CENPC: variants seen among roughly 807,000 people sequenced by gnomAD.
The protein encoded by CENPC is centromere protein C.
Under a neutral mutation model 112.1 loss-of-function variants are expected in CENPC, and 63 were observed. That is an observed-to-expected ratio of 0.56 (90% confidence interval 0.46 to 0.69). The LOEUF (loss-of-function observed/expected upper bound fraction) is 0.69, where lower values mean the gene tolerates loss of function less well. Ranked by LOEUF, CENPC falls within the 30% of genes least tolerant of loss-of-function variation. The pLI is 0.00. For synonymous variants in CENPC, 333 were observed against 367.6 expected, an observed-to-expected ratio of 0.91 and a Z score of 1.08; for missense variants, 1,000 against 1,103.8, an observed-to-expected ratio of 0.91 and a Z score of 1.33.
At chr4:67,527,641 T>C (rs933409619) in intron 5 of CENPC, among the ~76,000 whole-genome samples, 3 of 151,626 alleles carry the variant, frequency 2.0e-5, no homozygotes, top group African/African-American at 4.8e-5. Flanking sequence ...GGCAGGACTA[T>C]AGGCACATGC....
At chr4:67,490,837 AATATATATAT>A (rs57498869) in intron 16 of CENPC, among the ~76,000 whole-genome samples, 4,016 of 56,970 alleles carry the variant, frequency 0.07, 81 homozygotes, top group East Asian at 0.16. Context: ...TATAGAAATA[AATATATATAT>A]ATATATATAT....
At chr4:67,506,403 TC>T (rs1446560286) in intron 11 of CENPC, among the ~76,000 whole-genome samples, 7 of 152,168 alleles carry the variant, frequency 4.6e-5, no homozygotes, top group African/African-American at 1.2e-4. Flanking sequence ...TCACACCTTC[TC>T]TTGGAGCATT....
chr4:67,518,238 A>C lies in CENPC; in HGVS notation c.748T>G (p.Ser250Ala). ...SGSSQNRIRD[S>A]EYEIQRQAKK... is the part of the protein sequence containing the mutation. ...GCTTGTCGTTGAATTTCATATTCTG[A>C]ATCTCGTATTCTATTCTGAGATGAT... The change falls in exon 7 of 19, where the codon TCA becomes GCA. Residue 250 changes from serine to alanine, a missense_variant. Coordinates refer to ENST00000273853, the MANE Select transcript of CENPC (RefSeq NM_001812.4). The C allele has an allele frequency of 1.3e-6, 2 of 1,560,318 alleles. No homozygotes were observed. Among genetic ancestry groups the C allele is most frequent in the South Asian group, 2.4e-5 (2 of 83,740 alleles).
rs775810973 is a variant in CENPC at position 67,506,969 on chromosome 4, T to TC, written c.1905-36dup. The TC allele has an allele frequency of 2.0e-6, 3 of 1,522,034 alleles. No individual in the cohort carries two copies. In the South Asian group the frequency reaches 3.7e-5, roughly 19 times the overall value. The allele number at this position is 1,522,034 out of a possible 1,614,324, so 94.3% of individuals were successfully genotyped here. ...TGATAAATGTATGAGTGTTTATACT[T>TC]CTTCAAAATAAAATTTTCTTCCAGA... is the stretch of plus-strand genomic sequence containing the variant. On this transcript the variant is annotated intron_variant, in intron 10 of 18. Transcript: ENST00000273853.
intron 12 of CENPC, among the ~76,000 whole-genome samples, chr4:67,496,121 G>A (rs1370849940): frequency 6.6e-6 from 1 of 152,194 alleles, no homozygotes; most frequent in East Asian, 1.9e-4. Flanking sequence ...AGACTGCCAT[G>A]CTGTGAGGAA....
chr4:67,481,084 A>T (rs776085495), intron 17 of CENPC, among the ~76,000 whole-genome samples: 1 of 152,238 alleles, frequency 6.6e-6, no homozygotes, highest in Non-Finnish European at 1.5e-5. Flanking sequence ...TGATAAGTGA[A>T]TTCAGTAAAC....
intron 12 of CENPC, among the ~76,000 whole-genome samples, chr4:67,503,145 C>G (rs1369601607): frequency 6.6e-6 from 1 of 152,082 alleles, no homozygotes; most frequent in Non-Finnish European, 1.5e-5. Context: ...CTTTAACATC[C>G]TATGTGATCT....
chr4:67,537,590 T>TAA (rs1175614312), intron 4 of CENPC, among the ~76,000 whole-genome samples: 1 of 152,056 alleles, frequency 6.6e-6, no homozygotes, highest in Non-Finnish European at 1.5e-5. Context: ...GTCAGGAGTT[T>TAA]AAGACCAGCC....
At chr4:67,535,072 G>A (rs1448548410) in intron 4 of CENPC, among the ~76,000 whole-genome samples, 1 of 152,012 alleles carries the variant, frequency 6.6e-6, no homozygotes, top group Non-Finnish European at 1.5e-5. Context: ...AACAGGAGAA[G>A]CTAAAATAAA....
chr4:67,517,168 CTTTTTA>C (rs1465513899), intron 7 of CENPC, among the ~76,000 whole-genome samples: 1 of 151,548 alleles, frequency 6.6e-6, no homozygotes, highest in Non-Finnish European at 1.5e-5. Context: ...TAAAAACTTC[CTTTTTA>C]TTTTTGAGAC....
At chr4:67,482,489 G>A (rs1466009320) in intron 17 of CENPC, among the ~76,000 whole-genome samples, 2 of 152,166 alleles carry the variant, frequency 1.3e-5, no homozygotes, top group East Asian at 1.9e-4. Context: ...GCAGAAATAC[G>A]GAACCAACCC....
chr4:67,477,915 A>C (rs927919856), intron 17 of CENPC, among the ~76,000 whole-genome samples: 1 of 152,144 alleles, frequency 6.6e-6, no homozygotes, highest in African/African-American at 2.4e-5. Context: ...AATACATTAG[A>C]AAGTTTTAAC....
In CENPC at chr4:67,489,948, A is replaced by G; in HGVS notation, c.2670+19T>C. 6.7e-7 allele frequency: 1 copy of G among 1,499,586 alleles called. No homozygotes were observed. The highest frequency in any genetic ancestry group is 8.9e-7 in the Non-Finnish European group (1 of 1,126,800). 92.9% of individuals were successfully genotyped at this position (1,499,586 alleles called of 1,614,324 possible). ...GTTCTACCAAGAGTGAAACATAAAT[A>G]TATAAAAAAAGTACTCACCAATATA... On this transcript the variant is annotated intron_variant, in intron 17 of 18. Coordinates refer to ENST00000273853, the MANE Select transcript of CENPC (RefSeq NM_001812.4).
chr4:67,483,791 A>C (rs1366918347), intron 17 of CENPC, among the ~76,000 whole-genome samples: 1 of 152,182 alleles, frequency 6.6e-6, no homozygotes, highest in Non-Finnish European at 1.5e-5. Flanking sequence ...GTTAAAAAAA[A>C]AATAGAAAAA....
At position 67,514,490 on chromosome 4, in the gene CENPC, C is replaced by T. The variant is rs1340474946; in HGVS notation, c.1028G>A (p.Gly343Asp). The T allele has an allele frequency of 1.2e-6, 2 of 1,613,410 alleles. No individual in the cohort carries two copies. The highest frequency in any genetic ancestry group is 1.7e-6 in the Non-Finnish European group (2 of 1,179,812). Residue 343 changes from glycine to aspartate, a missense_variant, in exon 8 of 19, where the codon GGT becomes GAT. Physicochemically the swap from Gly to Asp is moderately conservative, Grantham distance 94. Coordinates refer to ENST00000273853, the MANE Select transcript of CENPC (RefSeq NM_001812.4). ...SPAESTALLQ[G>D]RKSREKHHNI... ...ATGATGCTTTTCTCTTGACTTTCTA[C>T]CTTGAAGGAGTGCAGTGCTCTCAGC...
rs901219362 is a variant in CENPC, at chr4:67,469,625, G to C, written c.*2980C>G. 6.6e-6 allele frequency: 1 copy of C among 152,324 alleles called. No homozygotes were observed. Among genetic ancestry groups the C allele is most frequent in the African/African-American group, 2.4e-5 (1 of 41,454 alleles). The allele number at this position is 152,324 out of a possible 1,614,324, so 9.4% of individuals were successfully genotyped here. On this transcript the variant is annotated 3_prime_UTR_variant, in exon 19 of 19. Coordinates refer to ENST00000273853, the MANE Select transcript of CENPC (RefSeq NM_001812.4). ...CCCAAAGTGTTGGGATTACAGGCAT[G>C]AGCCACCATGCCCGGGTAGAAGTCT...
chr4:67,519,003 A>G (rs1726139533), intron 6 of CENPC, among the ~76,000 whole-genome samples: 1 of 152,220 alleles, frequency 6.6e-6, no homozygotes, highest in Non-Finnish European at 1.5e-5. Flanking sequence ...ATTCCAGACT[A>G]TAGAAAAGTT....
chr4:67,525,020 C>T (rs1726333969), intron 5 of CENPC, among the ~76,000 whole-genome samples: 1 of 152,108 alleles, frequency 6.6e-6, no homozygotes, highest in Non-Finnish European at 1.5e-5. Context: ...AGAAATAACA[C>T]CACACATCTA....
chr4:67,537,137 A>G (rs1396415151), intron 4 of CENPC, among the ~76,000 whole-genome samples: 4 of 152,140 alleles, frequency 2.6e-5, no homozygotes, highest in Non-Finnish European at 5.9e-5. Context: ...AGACATGACA[A>G]AACAACATTA....
Sources: allele counts gnomAD v4.1 joint callset (sites outside exome capture counted in the v4.1 genomes callset), GRCh38; gene constraint gnomAD v4.1.1; transcripts MANE v1.5; gene names NCBI Gene and HGNC (gene_info 2026-07-23, HGNC 2026-07-21).